OR56A1: variants seen among roughly 807,000 people sequenced by gnomAD.
OR56A1 encodes the protein olfactory receptor family 56 subfamily A member 1.
For synonymous variants in OR56A1, 174 were observed against 159.1 expected, an observed-to-expected ratio of 1.09 and a Z score of -0.70; for missense variants, 360 against 380.9, an observed-to-expected ratio of 0.94 and a Z score of 0.46.
At chr11:6,027,816 G>A (rs1298796306) in intron 1 of OR56A1, 90 bp from the exon 2 acceptor site, 2 of 816,374 alleles carry the variant, frequency 2.4e-6, no homozygotes, top group Non-Finnish European at 1.9e-6. Flanking sequence ...CCAATGATAG[G>A]TAGTTCACTT....
chr11:6,033,720 G>T (rs1319835617), upstream of OR56A1, among the ~76,000 whole-genome samples: 2 of 152,012 alleles, frequency 1.3e-5, no homozygotes, highest in Non-Finnish European at 1.5e-5. Flanking sequence ...TAACATTTAT[G>T]AATGGCTATT....
upstream of OR56A1, among the ~76,000 whole-genome samples, chr11:6,033,519 G>A (rs1042503263): frequency 3.3e-5 from 5 of 151,416 alleles, no homozygotes; most frequent in Admixed American, 1.3e-4. Flanking sequence ...TTCTCAATCC[G>A]GTTCCAATTA....
Position 6,026,994 on chromosome 11 carries a change from T to C in OR56A1, c.699A>G (p.Ala233=). The C allele has an allele frequency of 2.5e-6, 4 of 1,614,164 alleles. No homozygotes were observed. Among genetic ancestry groups the C allele is most frequent in the Non-Finnish European group, 3.4e-6 (4 of 1,179,976 alleles). ...TCAGGGCCTTCACTGCCGCCCCCTC[T>C]GCTTTGAATCTAAGCACAGCTCTTA... ...FILRAVLRFK[A]EGAAVKALST... The change falls in exon 2 of 2, where the codon GCA becomes GCG. Residue 233 remains alanine (A), a synonymous_variant. Transcript: ENST00000641900.
At position 6,020,469 on chromosome 11, in the gene OR56A1, T is replaced by A. The variant is rs550233679; in HGVS notation, c.*6279A>T. 2.6e-5 allele frequency: 4 copies of A among 152,270 alleles called. No individual in the cohort carries two copies. The South Asian group carries it at 8.3e-4, about 32-fold the overall frequency. 9.4% of individuals were successfully genotyped at this position (152,270 alleles called of 1,614,324 possible). ...CGGGATGTCTGTCCATTAGTTTGTA[T>A]CTCCTCTGATTTCTTTGAGCAGTGT... On this transcript the variant is annotated 3_prime_UTR_variant, in exon 2 of 2. Transcript: ENST00000641900.
upstream of OR56A1, among the ~76,000 whole-genome samples, chr11:6,031,135 T>A (rs929580564): frequency 3.9e-5 from 6 of 152,114 alleles, no homozygotes; most frequent in Non-Finnish European, 8.8e-5. Flanking sequence ...ATTGAAGATA[T>A]AAAAAATGGA....
rs1046497397 is a variant in OR56A1, at chr11:6,019,802, A to G, written c.*6946T>C. ...TCATTAAGCCAAAAGTGAATGTCAGAAGGCTTTTTCTCAAAAGCATTTAGG... is the reference window on the plus strand; with the variant it reads ...TCATTAAGCCAAAAGTGAATGTCAGGAGGCTTTTTCTCAAAAGCATTTAGG... On this transcript the variant is annotated 3_prime_UTR_variant, in exon 2 of 2. Transcript: ENST00000641900. The G allele has an allele frequency of 6.6e-6, 1 of 152,132 alleles. No homozygotes were observed. Among genetic ancestry groups the G allele is most frequent in the Non-Finnish European group, 1.5e-5 (1 of 67,984 alleles). 9.4% of individuals were successfully genotyped at this position (152,132 alleles called of 1,614,324 possible).
rs1228622356 is a variant in OR56A1, at chr11:6,020,753, CAG to C, written c.*5993_*5994del. 2.0e-5 allele frequency: 3 copies of C among 152,040 alleles called. No homozygotes were observed. The highest frequency in any genetic ancestry group is 3.8e-4 in the East Asian group (2 of 5,200). 9.4% of individuals were successfully genotyped at this position (152,040 alleles called of 1,614,324 possible). A position where few individuals can be genotyped will look rare whatever the true frequency, so the allele number is the denominator to read the frequency against. On this transcript the variant is annotated 3_prime_UTR_variant, in exon 2 of 2. Coordinates refer to ENST00000641900, the MANE Select transcript of OR56A1 (RefSeq NM_001388488.1). ...TATATAGAATCATGTCATCTGCAAACAGAGACAGTTTGACTTCATGTCTTCTT... is the reference window on the plus strand; with the variant it reads ...TATATAGAATCATGTCATCTGCAAACAGACAGTTTGACTTCATGTCTTCTT...
chr11:6,029,052 AT>A (rs1210592619), intron 1 of OR56A1, among the ~76,000 whole-genome samples: 2 of 152,182 alleles, frequency 1.3e-5, no homozygotes, highest in African/African-American at 2.4e-5. Flanking sequence ...CAAATATTGC[AT>A]GTTCTCACTC....
upstream of OR56A1, among the ~76,000 whole-genome samples, chr11:6,032,643 G>A (rs1262846813): frequency 6.6e-6 from 1 of 152,120 alleles, no homozygotes; most frequent in Admixed American, 6.5e-5. Flanking sequence ...GGTAGCCACA[G>A]GGGGGTTGTC....
rs943044647 is a variant in OR56A1, at chr11:6,019,692, G to T, written c.*7056C>A. 1 of 152,068 alleles carries T rather than the reference G, an allele frequency of 6.6e-6. No individual in the cohort carries two copies. Among genetic ancestry groups the T allele is most frequent in the Non-Finnish European group, 1.5e-5 (1 of 67,966 alleles). 9.4% of individuals were successfully genotyped at this position (152,068 alleles called of 1,614,324 possible). On this transcript the variant is annotated 3_prime_UTR_variant, in exon 2 of 2. Transcript: ENST00000641900. ...CCCATAATTAAATTGCCTCCCAATT[G>T]TCTTTCCAATTTAAAAAGACAATAT...
chr11:6,027,321 G>A lies in OR56A1; in HGVS notation c.372C>T (p.Asp124=), dbSNP rs756588417. 1.9e-6 allele frequency: 3 copies of A among 1,614,122 alleles called. No homozygotes were observed. Among genetic ancestry groups the A allele is most frequent in the East Asian group, 2.2e-5 (1 of 44,896 alleles). Residue 124 remains aspartate (D), a synonymous_variant, in exon 2 of 2, where the codon GAC becomes GAT. Transcript: ENST00000641900. ...GTGGGTGGCAGATGGCCACATAACG[G>A]TCATAGGCCATGACCATAAACGTGC... The part of the protein sequence containing the change: ...ESCTFMVMAY[D]RYVAICHPLR...
Position 6,022,390 on chromosome 11 carries a change from G to A in OR56A1, c.*4358C>T, listed in dbSNP as rs991712673. On this transcript the variant is annotated 3_prime_UTR_variant, in exon 2 of 2. Transcript: ENST00000641900. Reference sequence around the variant, plus strand: ...GAGCAAAGCCCTCATGCATTGGAATGAGGTGTGGGTGAGAAGTAAATTTTA... The same window carrying A: ...GAGCAAAGCCCTCATGCATTGGAATAAGGTGTGGGTGAGAAGTAAATTTTA... 1.3e-5 allele frequency: 2 copies of A among 152,168 alleles called. No individual in the cohort carries two copies. The highest frequency in any genetic ancestry group is 4.8e-5 in the African/African-American group (2 of 41,436). 9.4% of individuals were successfully genotyped at this position (152,168 alleles called of 1,614,324 possible). A position where few individuals can be genotyped will look rare whatever the true frequency, so the allele number is the denominator to read the frequency against.
upstream of OR56A1, among the ~76,000 whole-genome samples, chr11:6,031,583 G>A (rs1472614240): frequency 6.6e-6 from 1 of 152,124 alleles, no homozygotes; most frequent in Admixed American, 6.5e-5. Flanking sequence ...TGACAGATTT[G>A]TTTTAAAGGA....
chr11:6,027,506 A>T lies in OR56A1; in HGVS notation c.187T>A (p.Tyr63Asn). 6.2e-7 allele frequency: 1 copy of T among 1,614,076 alleles called. No homozygotes were observed. The highest frequency in any genetic ancestry group is 8.5e-7 in the Non-Finnish European group (1 of 1,180,014). ...AGGGAGAGGAGGCTGAGCAGGTAGT[A>T]CAGGGGCTGGTGCAGAGAGGCCTCC... ...QLEASLHQPL[Y>N]YLLSLLSLLD... Residue 63 changes from tyrosine to asparagine, a missense_variant, in exon 2 of 2, where the codon TAC becomes AAC. Coordinates refer to ENST00000641900, the MANE Select transcript of OR56A1 (RefSeq NM_001388488.1).
upstream of OR56A1, among the ~76,000 whole-genome samples, chr11:6,033,239 G>A (rs1038905870): frequency 5.9e-5 from 9 of 151,992 alleles, no homozygotes; most frequent in African/African-American, 1.9e-4. Context: ...ATTGGAAAAT[G>A]GGTGTGGACG....
rs897301654 is a variant in OR56A1 at position 6,026,261 on chromosome 11, A to G, written c.*487T>C. On this transcript the variant is annotated 3_prime_UTR_variant, in exon 2 of 2. Transcript: ENST00000641900. ...CTCTGAGAAGTCCCTTTGGTCTCAAAGAAGTAAGAATAGGCAGAAAATACC... is the reference window on the plus strand; with the variant it reads ...CTCTGAGAAGTCCCTTTGGTCTCAAGGAAGTAAGAATAGGCAGAAAATACC... 5 of 154,194 alleles carry G rather than the reference A, an allele frequency of 3.2e-5. No homozygotes were observed. The highest frequency in any genetic ancestry group is 1.2e-4 in the African/African-American group (5 of 41,474). 9.6% of individuals were successfully genotyped at this position (154,194 alleles called of 1,614,324 possible).
chr11:6,030,901 C>T (rs1366975537), upstream of OR56A1: 9 of 152,068 alleles, frequency 5.9e-5, no homozygotes, highest in African/African-American at 1.9e-4. Context: ...CATTTCATGC[C>T]ATGAAAATAA....
At position 6,022,801 on chromosome 11, in the gene OR56A1, C is replaced by G. The variant is rs538238013; in HGVS notation, c.*3947G>C. On this transcript the variant is annotated 3_prime_UTR_variant, in exon 2 of 2. Transcript: ENST00000641900. ...CTGTATGTTCAGAGTGCTAATCACA[C>G]GTAAAGAACTCAATAACTAATTTTT... The G allele has an allele frequency of 1.3e-5, 2 of 152,058 alleles. No homozygotes were observed. The highest frequency in any genetic ancestry group is 3.8e-4 in the East Asian group (2 of 5,198). 9.4% of individuals were successfully genotyped at this position (152,058 alleles called of 1,614,324 possible). A position where few individuals can be genotyped will look rare whatever the true frequency, so the allele number is the denominator to read the frequency against.
At position 6,026,990 on chromosome 11, in the gene OR56A1, C is replaced by G; in HGVS notation, c.703G>C (p.Gly235Arg). The change falls in exon 2 of 2, where the codon GGG becomes CGG. Residue 235 changes from glycine (G) to arginine (R), a missense_variant. Coordinates refer to ENST00000641900, the MANE Select transcript of OR56A1 (RefSeq NM_001388488.1). ...GTGCTCAGGGCCTTCACTGCCGCCC[C>G]CTCTGCTTTGAATCTAAGCACAGCT... ...LRAVLRFKAE[G>R]AAVKALSTCG... 1 of 1,614,004 alleles carries G rather than the reference C, an allele frequency of 6.2e-7. No individual in the cohort carries two copies. The highest frequency in any genetic ancestry group is 8.5e-7 in the Non-Finnish European group (1 of 1,179,890).
Sources: allele counts gnomAD v4.1 joint callset (sites outside exome capture counted in the v4.1 genomes callset), GRCh38; gene constraint gnomAD v4.1.1; transcripts MANE v1.5; gene names NCBI Gene and HGNC (gene_info 2026-07-23, HGNC 2026-07-21).